The following VWA8 variants were observed in gnomAD, a reference collection of about 807,000 sequenced individuals.
VWA8 encodes the protein von Willebrand factor A domain containing 8.
VWA8 carries 221 observed loss-of-function variants against 241.5 expected under a neutral mutation model. That is an observed-to-expected ratio of 0.91 (90% confidence interval 0.82 to 1.02). The LOEUF is 1.02. Ranked by LOEUF, VWA8 falls within the 50% of genes least tolerant of loss-of-function variation. The pLI is 0.00. For missense variants in VWA8, 2,322 were observed against 2,328.7 expected (o/e 1.00, Z 0.06); for synonymous variants, 852 against 827.1 (o/e 1.03, Z -0.52).
chr13:41,853,667 A>G (rs1049789217), intron 12 of VWA8, among the ~76,000 whole-genome samples: 1 of 152,158 alleles, frequency 6.6e-6, no homozygotes, highest in East Asian at 1.9e-4. Context: ...GTTGATGTAT[A>G]GTAGTCTCAT....
chr13:41,920,533 G>C (rs746446435), intron 2 of VWA8, among the ~76,000 whole-genome samples: 1 of 152,110 alleles, frequency 6.6e-6, no homozygotes, highest in Non-Finnish European at 1.5e-5. Flanking sequence ...AAAATTGATA[G>C]ACCGCTAGCA....
chr13:41,634,160 C>T (rs1024942241), intron 37 of VWA8, among the ~76,000 whole-genome samples: 7 of 152,128 alleles, frequency 4.6e-5, no homozygotes, highest in Admixed American at 2.6e-4. Context: ...GAGAACACTA[C>T]GTGAAGAGAC....
At chr13:41,626,535 T>C (rs912267520) in intron 37 of VWA8, among the ~76,000 whole-genome samples, 1 of 152,150 alleles carries the variant, frequency 6.6e-6, no homozygotes, top group African/African-American at 2.4e-5. Context: ...AAGGTTATAG[T>C]AACCAAAACA....
At chr13:41,745,799 T>C (rs913276923) in intron 21 of VWA8, among the ~76,000 whole-genome samples, 5 of 152,164 alleles carry the variant, frequency 3.3e-5, no homozygotes, top group Admixed American at 3.3e-4. Flanking sequence ...AGACTGTGTG[T>C]CAATCCCTCA....
intron 26 of VWA8, among the ~76,000 whole-genome samples, chr13:41,715,993 A>C (rs575775116): frequency 1.5e-3 from 229 of 152,134 alleles, no homozygotes; most frequent in African/African-American, 5.4e-3. Context: ...CATATTTTTA[A>C]AAATACTTTC....
chr13:41,748,209 C>T (rs113135106), intron 21 of VWA8, among the ~76,000 whole-genome samples: 5,011 of 152,232 alleles, frequency 0.033, 271 homozygotes, highest in African/African-American at 0.11. Flanking sequence ...TAGAATTTGG[C>T]TGTGAATCCA....
At chr13:41,866,409 GT>G (rs1403531467) in intron 10 of VWA8, among the ~76,000 whole-genome samples, 15 of 142,980 alleles carry the variant, frequency 1.0e-4, no homozygotes, top group African/African-American at 3.8e-4. Flanking sequence ...GTGTGTATAT[GT>G]GTGTGTGTGT....
At chr13:41,662,300 T>C (rs2044955300) in intron 37 of VWA8, among the ~76,000 whole-genome samples, 1 of 152,162 alleles carries the variant, frequency 6.6e-6, no homozygotes, top group African/African-American at 2.4e-5. Flanking sequence ...TATTTAGGTC[T>C]TTGATTTCTT....
chr13:41,717,616 T>C (rs1335266586), intron 26 of VWA8, among the ~76,000 whole-genome samples: 1 of 151,488 alleles, frequency 6.6e-6, no homozygotes, highest in African/African-American at 2.4e-5. Context: ...GTCATCCTAC[T>C]CTCTCTAAGT....
intron 37 of VWA8, among the ~76,000 whole-genome samples, chr13:41,667,125 A>C (rs1004890532): frequency 1.3e-5 from 2 of 152,220 alleles, no homozygotes; most frequent in Non-Finnish European, 2.9e-5. Flanking sequence ...TAAATTTACT[A>C]ATAGTCAGCC....
chr13:41,896,055 G>C (rs1875092625), intron 4 of VWA8, among the ~76,000 whole-genome samples: 1 of 151,818 alleles, frequency 6.6e-6, no homozygotes. Context: ...GGAATACAAA[G>C]AACCATGACT....
At chr13:41,577,592 C>G (rs79236416) in intron 42 of VWA8, among the ~76,000 whole-genome samples, 3 of 152,096 alleles carry the variant, frequency 2.0e-5, no homozygotes, top group Non-Finnish European at 4.4e-5. Flanking sequence ...AGGGAGGCCC[C>G]GACTGATTTG....
chr13:41,863,410 T>C, intron 12 of VWA8, among the ~76,000 whole-genome samples: 1 of 66,416 alleles, frequency 1.5e-5, no homozygotes, highest in Non-Finnish European at 2.9e-5. Context: ...TGTGTGTGTG[T>C]GTGTGTGTGT....
chr13:41,819,418 CAT>C, intron 14 of VWA8, 32 bp from the exon 15 acceptor site: 6 of 1,577,822 alleles, frequency 3.8e-6, no homozygotes, highest in Non-Finnish European at 5.1e-6. Flanking sequence ...AAAAAAATAA[CAT>C]ATCTTTCATG....
At chr13:41,771,686 C>T (rs1343887288) in intron 20 of VWA8, among the ~76,000 whole-genome samples, 1 of 152,102 alleles carries the variant, frequency 6.6e-6, no homozygotes, top group African/African-American at 2.4e-5. Flanking sequence ...TCAAGCAATC[C>T]TTCTGCCTAA....
At chr13:41,572,621 T>C (rs1336902673) in intron 43 of VWA8, among the ~76,000 whole-genome samples, 1 of 150,704 alleles carries the variant, frequency 6.6e-6, no homozygotes, top group African/African-American at 2.4e-5. Context: ...TCATCACCAC[T>C]CCCTAATCTC....
At chr13:41,795,166 T>G (rs4556694) in intron 17 of VWA8, among the ~76,000 whole-genome samples, 100,461 of 151,972 alleles carry the variant, frequency 0.66, 34,761 homozygotes, top group South Asian at 0.82. Context: ...TTCAAAAGAA[T>G]ACATTTAGGC....
chr13:41,773,506 A>G (rs750907490), intron 20 of VWA8, among the ~76,000 whole-genome samples: 2 of 152,086 alleles, frequency 1.3e-5, no homozygotes, highest in Non-Finnish European at 2.9e-5. Flanking sequence ...GAGAACACAA[A>G]CTCTATGCCA....
Position 41,570,615 on chromosome 13 carries a change from GCTT to G in VWA8, c.5459_5461del (p.Glu1820del), listed in dbSNP as rs777026321. ...CAAGACTATGACAAAGTACTCATCA[GCTT>G]CTTCTTTGACAATTTCCTTGATGGC... On this transcript the variant is annotated inframe_deletion, in exon 44 of 45. Coordinates refer to ENST00000379310, the MANE Select transcript of VWA8 (RefSeq NM_015058.2). 19 of 1,614,136 alleles carry G rather than the reference GCTT, an allele frequency of 1.2e-5. No individual in the cohort carries two copies. The highest frequency in any genetic ancestry group is 1.6e-5 in the Non-Finnish European group (19 of 1,180,056).
Sources: allele counts gnomAD v4.1 joint callset (sites outside exome capture counted in the v4.1 genomes callset), GRCh38; gene constraint gnomAD v4.1.1; transcripts MANE v1.5; gene names NCBI Gene and HGNC (gene_info 2026-07-23, HGNC 2026-07-21).